BCL11A: variants seen among roughly 807,000 people sequenced by gnomAD.
BCL11A encodes the protein B cell CLL/lymphoma 11A.
In BCL11A, 2 loss-of-function variants were observed where a neutral mutation model predicts 55.9. That is an observed-to-expected ratio of 0.04 (90% CI 0.01 to 0.11). The LOEUF is 0.11. BCL11A is among the 10% of genes least tolerant of loss of function. The pLI, the probability that BCL11A is intolerant of heterozygous loss-of-function variation, is 1.00. For missense variants in BCL11A, 817 were observed against 1,137.1 expected (o/e 0.72, Z 4.05); for synonymous variants, 465 against 473.4 (o/e 0.98, Z 0.23).
chr2:60,501,144 A>G (rs1558647611), intron 2 of BCL11A, among the ~76,000 whole-genome samples: 1 of 152,222 alleles, frequency 6.6e-6, no homozygotes, highest in Non-Finnish European at 1.5e-5. Context: ...TTGTTGGTAA[A>G]CATCCAATTT....
At chr2:60,505,689 C>T (rs1679548130) in intron 2 of BCL11A, among the ~76,000 whole-genome samples, 1 of 152,240 alleles carries the variant, frequency 6.6e-6, no homozygotes, top group Admixed American at 6.5e-5. Flanking sequence ...CCTCCACATG[C>T]ATTCCCACCT....
In BCL11A at chr2:60,553,578, C is replaced by T. The variant is rs1558533591; in HGVS notation, c.-308G>A. ...GAGAGATGAAAAAAATGGCAAAAGC[C>T]CCCCTGAGCTGCAAGTTCAAGTGCG... On this transcript the variant is annotated 5_prime_UTR_variant, in exon 1 of 4. Transcript: ENST00000642384. The T allele has an allele frequency of 2.6e-6, 1 of 390,870 alleles. No homozygotes were observed. Among genetic ancestry groups the T allele is most frequent in the Non-Finnish European group, 4.3e-6 (1 of 229,886 alleles). 24.2% of individuals were successfully genotyped at this position (390,870 alleles called of 1,614,324 possible). A position where few individuals can be genotyped will look rare whatever the true frequency, so the allele number is the denominator to read the frequency against.
intron 2 of BCL11A, among the ~76,000 whole-genome samples, chr2:60,507,237 AGGGAGGGAGGGGAGGGGAGGGGAGGGGAG>A (rs1679656851): frequency 1.3e-4 from 5 of 37,494 alleles, no homozygotes; most frequent in Admixed American, 2.3e-4. Context: ...GAAGGAAGGG[AGGGAGGGAGGGGAGGGGAGGGGAGGGGAG>A]GGGAGGGGAG....
intron 2 of BCL11A, among the ~76,000 whole-genome samples, chr2:60,501,114 C>A (rs1558647589): frequency 6.6e-6 from 1 of 152,246 alleles, no homozygotes; most frequent in African/African-American, 2.4e-5. Flanking sequence ...TCTTCTGAAA[C>A]AAGACCTGTT....
intron 2 of BCL11A, among the ~76,000 whole-genome samples, chr2:60,541,619 A>C (rs1669929366): frequency 6.6e-6 from 1 of 152,234 alleles, no homozygotes; most frequent in Non-Finnish European, 1.5e-5. Flanking sequence ...TAGTCTTTGG[A>C]TAGTGGCCTC....
At chr2:60,534,910 A>G (rs943034615) in intron 2 of BCL11A, 1 of 152,368 alleles carries the variant, frequency 6.6e-6, no homozygotes, top group South Asian at 2.1e-4. Context: ...TAATCTTGAG[A>G]AGAAAAAACA....
intron 2 of BCL11A, among the ~76,000 whole-genome samples, chr2:60,482,576 A>C (rs1441032644): frequency 6.6e-6 from 1 of 152,218 alleles, no homozygotes; most frequent in Non-Finnish European, 1.5e-5. Context: ...GATAACCAAA[A>C]TGCACTTCTC....
At chr2:60,507,358 G>C (rs1178830704) in intron 2 of BCL11A, among the ~76,000 whole-genome samples, 1 of 69,520 alleles carries the variant, frequency 1.4e-5, no homozygotes, top group African/African-American at 8.9e-5. Context: ...GGAAGGGAAG[G>C]GAAGGGAAGG....
intron 2 of BCL11A, among the ~76,000 whole-genome samples, chr2:60,496,030 G>T (rs1678928427): frequency 6.6e-6 from 1 of 152,188 alleles, no homozygotes; most frequent in African/African-American, 2.4e-5. Flanking sequence ...AAAGAGAAGG[G>T]ATCCAGAGGT....
chr2:60,550,954 G>A (rs1277867317), intron 1 of BCL11A: 10 of 397,756 alleles, frequency 2.5e-5, no homozygotes, highest in Middle Eastern at 6.3e-4. Context: ...GGGGAGAGCG[G>A]CGAGGGAGGG....
At chr2:60,455,070 G>C (rs895768328), downstream of BCL11A, among the ~76,000 whole-genome samples, 13 of 152,180 alleles carry the variant, frequency 8.5e-5, no homozygotes, top group Middle Eastern at 3.2e-3. Flanking sequence ...ATGGGTTCAG[G>C]AAGGAGGTAA....
intron 2 of BCL11A, among the ~76,000 whole-genome samples, chr2:60,473,397 AC>A (rs1432496948): frequency 2.6e-5 from 4 of 152,088 alleles, no homozygotes; most frequent in Non-Finnish European, 5.9e-5. Flanking sequence ...TATATTGGTG[AC>A]AGGCCAAAAT....
At chr2:60,483,222 G>A (rs923504060) in intron 2 of BCL11A, among the ~76,000 whole-genome samples, 1 of 152,204 alleles carries the variant, frequency 6.6e-6, no homozygotes, top group African/African-American at 2.4e-5. Flanking sequence ...AACAATCAGG[G>A]TTTACAGCCG....
At chr2:60,505,992 G>C (rs544064220) in intron 2 of BCL11A, among the ~76,000 whole-genome samples, 1 of 152,314 alleles carries the variant, frequency 6.6e-6, no homozygotes, top group South Asian at 2.1e-4. Context: ...AACCCAAATA[G>C]GGCTTTGCAG....
chr2:60,532,151 T>G (rs1191439761), intron 2 of BCL11A, among the ~76,000 whole-genome samples: 2 of 152,164 alleles, frequency 1.3e-5, no homozygotes, highest in Non-Finnish European at 2.9e-5. Context: ...TGCATTTTCT[T>G]TTCACTGTAC....
At chr2:60,539,886 C>A (rs1203930884) in intron 2 of BCL11A, among the ~76,000 whole-genome samples, 3 of 152,074 alleles carry the variant, frequency 2.0e-5, no homozygotes, top group African/African-American at 4.8e-5. Context: ...GTGCTCTATA[C>A]CCTGGTCGTA....
At chr2:60,455,210 A>G (rs530948779), downstream of BCL11A, among the ~76,000 whole-genome samples, 1 of 152,334 alleles carries the variant, frequency 6.6e-6, no homozygotes, top group South Asian at 2.1e-4. Flanking sequence ...TATGTAGAGA[A>G]CATTCCATCA....
intron 2 of BCL11A, among the ~76,000 whole-genome samples, chr2:60,539,515 G>A (rs1669825555): frequency 1.3e-5 from 2 of 152,138 alleles, no homozygotes; most frequent in African/African-American, 2.4e-5. Flanking sequence ...GAGTGCAGCT[G>A]GCCAGTAAAA....
At chr2:60,551,633 T>A (rs1670417401) in intron 1 of BCL11A, among the ~76,000 whole-genome samples, 1 of 152,196 alleles carries the variant, frequency 6.6e-6, no homozygotes, top group African/African-American at 2.4e-5. Flanking sequence ...TAAAAATGCT[T>A]TGCAAAGCCG....
Sources: allele counts gnomAD v4.1 joint callset (sites outside exome capture counted in the v4.1 genomes callset), GRCh38; gene constraint gnomAD v4.1.1; transcripts MANE v1.5; gene names NCBI Gene and HGNC (gene_info 2026-07-23, HGNC 2026-07-21).